The following FRMD3 variants were observed in gnomAD, a reference collection of about 807,000 sequenced individuals.
FRMD3 encodes the protein FERM domain-containing protein 3.
In FRMD3, 33 loss-of-function variants were observed where a neutral mutation model predicts 70.2. The ratio of observed to expected loss-of-function variants is 0.47; its 90% CI spans 0.36 to 0.63. The LOEUF is 0.63. Ranked by LOEUF, FRMD3 falls within the 20% of genes least tolerant of loss-of-function variation. The pLI is 0.00. For synonymous variants in FRMD3, 279 were observed against 255.9 expected, an observed-to-expected ratio of 1.09 and a Z score of -0.86; for missense variants, 632 against 711.4, an observed-to-expected ratio of 0.89 and a Z score of 1.27.
intron 3 of FRMD3, among the ~76,000 whole-genome samples, chr9:83,356,689 C>T (rs1313013999): frequency 6.6e-6 from 1 of 151,964 alleles, no homozygotes; most frequent in Non-Finnish European, 1.5e-5. Flanking sequence ...CAATGTTTCT[C>T]ATATACATTC....
chr9:83,346,255 C>CAA (rs56163115), intron 4 of FRMD3, among the ~76,000 whole-genome samples: 1,358 of 61,752 alleles, frequency 0.022, 76 homozygotes, highest in African/African-American at 0.05. Flanking sequence ...GACGCCATCT[C>CAA]AAAAAAAAAA....
chr9:83,525,533 T>A (rs537838591), intron 1 of FRMD3, among the ~76,000 whole-genome samples: 25 of 152,362 alleles, frequency 1.6e-4, no homozygotes, highest in Middle Eastern at 6.8e-3. Context: ...CTGCTCCTCA[T>A]ATAACATGTT....
In FRMD3 at chr9:83,312,000, G is replaced by T. The variant is rs756392373; in HGVS notation, c.685-25C>A. 1.0e-5 allele frequency: 15 copies of T among 1,462,162 alleles called. No homozygotes were observed. The East Asian group carries it at 2.3e-4, about 22-fold the overall frequency. The allele number at this position is 1,462,162 out of a possible 1,614,324, so 90.6% of individuals were successfully genotyped here. A position where few individuals can be genotyped will look rare whatever the true frequency, so the allele number is the denominator to read the frequency against. On this transcript the variant is annotated intron_variant, in intron 7 of 13. Transcript: ENST00000304195. ...CCTGAAAAAAAAAAAAAAGAAAAAA[G>T]AAAAATCTGTTTAGATTGAGAAAAA...
intron 6 of FRMD3, among the ~76,000 whole-genome samples, chr9:83,317,678 G>C (rs1032540676): frequency 1.3e-5 from 2 of 152,122 alleles, no homozygotes; most frequent in African/African-American, 4.8e-5. Context: ...TCCTTGCCTA[G>C]GTGGTCTCTT....
intron 13 of FRMD3, among the ~76,000 whole-genome samples, chr9:83,263,914 A>G (rs1367682477): frequency 6.6e-6 from 1 of 152,262 alleles, no homozygotes; most frequent in Non-Finnish European, 1.5e-5. Flanking sequence ...ACAAAGTAGC[A>G]TAAAAGAAAA....
chr9:83,511,003 G>T (rs1391594590), intron 1 of FRMD3, among the ~76,000 whole-genome samples: 2 of 152,154 alleles, frequency 1.3e-5, no homozygotes, highest in African/African-American at 4.8e-5. Context: ...TAGGTGAATT[G>T]TACGTTACGT....
chr9:83,567,997 A>G, the FRMD3 span, among the ~76,000 whole-genome samples: 2 of 152,338 alleles, frequency 1.3e-5, no homozygotes, highest in Admixed American at 6.5e-5. Flanking sequence ...TCACTGTATT[A>G]GTCCAAATTC....
intron 6 of FRMD3, among the ~76,000 whole-genome samples, chr9:83,326,647 G>T (rs1472181548): frequency 7.2e-5 from 11 of 152,126 alleles, no homozygotes; most frequent in Admixed American, 7.2e-4. Flanking sequence ...GAAAGGTTGG[G>T]GTTTTTTCCT....
intron 1 of FRMD3, among the ~76,000 whole-genome samples, chr9:83,461,813 A>C (rs934456283): frequency 2.7e-5 from 4 of 150,876 alleles, no homozygotes; most frequent in African/African-American, 9.8e-5. Flanking sequence ...TCAGCCTCCC[A>C]AGTAACTGGG....
At chr9:83,423,680 T>C (rs1826715488) in intron 1 of FRMD3, among the ~76,000 whole-genome samples, 1 of 127,948 alleles carries the variant, frequency 7.8e-6, no homozygotes, top group African/African-American at 3.0e-5. Context: ...CACTGCAACC[T>C]CCGTCTGCCA....
intron 1 of FRMD3, among the ~76,000 whole-genome samples, chr9:83,487,790 C>T (rs1343577160): frequency 6.6e-6 from 1 of 152,172 alleles, no homozygotes; most frequent in African/African-American, 2.4e-5. Context: ...GGGTTAACTA[C>T]ATATCAGAAG....
chr9:83,260,945 A>G (rs1832956580), intron 13 of FRMD3, among the ~76,000 whole-genome samples: 1 of 152,142 alleles, frequency 6.6e-6, no homozygotes, highest in African/African-American at 2.4e-5. Flanking sequence ...TTTCCAGATG[A>G]GAGTTTTTAC....
intron 6 of FRMD3, among the ~76,000 whole-genome samples, chr9:83,320,692 G>A (rs1311171508): frequency 1.3e-5 from 2 of 152,130 alleles, no homozygotes; most frequent in African/African-American, 4.8e-5. Context: ...CTTGCAGAAT[G>A]AGTTAAGGAG....
chr9:83,403,392 C>T (rs1039416828), intron 1 of FRMD3, among the ~76,000 whole-genome samples: 3 of 152,134 alleles, frequency 2.0e-5, no homozygotes, highest in Admixed American at 1.3e-4. Flanking sequence ...GGCTCGAACA[C>T]GCATGTGTGC....
intron 1 of FRMD3, among the ~76,000 whole-genome samples, chr9:83,406,539 C>T (rs1440820461): frequency 1.3e-5 from 2 of 152,184 alleles, no homozygotes; most frequent in Non-Finnish European, 2.9e-5. Context: ...TTTTAAAGAG[C>T]TCAGGAAAGG....
At chr9:83,415,613 T>C (rs928395918) in intron 1 of FRMD3, among the ~76,000 whole-genome samples, 5 of 139,668 alleles carry the variant, frequency 3.6e-5, no homozygotes, top group African/African-American at 1.3e-4. Context: ...TGACTAATTT[T>C]CTTTTTTTTT....
chr9:83,276,940 C>T (rs1257851508), intron 13 of FRMD3, among the ~76,000 whole-genome samples: 1 of 152,214 alleles, frequency 6.6e-6, no homozygotes, highest in East Asian at 1.9e-4. Context: ...GAACTCCTGA[C>T]TTCAGGTGAT....
intron 1 of FRMD3, among the ~76,000 whole-genome samples, chr9:83,444,104 C>A (rs951403118): frequency 2.0e-5 from 3 of 152,212 alleles, no homozygotes; most frequent in Non-Finnish European, 4.4e-5. Context: ...GGTGATGTTC[C>A]TTCAACATTG....
At chr9:83,429,613 A>G (rs1274688245) in intron 1 of FRMD3, among the ~76,000 whole-genome samples, 2 of 152,082 alleles carry the variant, frequency 1.3e-5, no homozygotes, top group East Asian at 1.9e-4. Context: ...CTGTTTCCTC[A>G]TCTACAAAAC....
Sources: gnomAD v4.1 joint callset for allele counts (sites outside exome capture counted in the v4.1 genomes callset) on GRCh38, gnomAD v4.1.1 for gene constraint, MANE v1.5 for transcripts, NCBI Gene and HGNC (gene_info 2026-07-23, HGNC 2026-07-21) for gene names.